TAFA4: variants seen among roughly 807,000 people sequenced by gnomAD.
TAFA4 encodes TAFA chemokine like family member 4.
A neutral mutation model predicts 21.1 loss-of-function variants in TAFA4; 20 were observed. That is an observed-to-expected ratio of 0.95 (90% CI 0.67 to 1.38). TAFA4 has a LOEUF of 1.38. TAFA4 is among the 40% of genes most tolerant of loss of function. TAFA4 has a pLI of 0.00. For synonymous variants in TAFA4, 71 were observed against 67.4 expected (o/e 1.05, Z -0.26); for missense variants, 211 against 180.9 (o/e 1.17, Z -0.95).
At chr3:68,747,744 C>T (rs373594150) in intron 4 of TAFA4, among the ~76,000 whole-genome samples, 7 of 152,158 alleles carry the variant, frequency 4.6e-5, no homozygotes, top group South Asian at 4.1e-4. Context: ...TCTCCTTCTC[C>T]GGAATCTTAC....
At chr3:68,764,757 A>T (rs1702817006) in intron 3 of TAFA4, among the ~76,000 whole-genome samples, 1 of 152,194 alleles carries the variant, frequency 6.6e-6, no homozygotes, top group Admixed American at 6.5e-5. Context: ...CAGGGCCACT[A>T]GTGGAGAGGA....
chr3:68,760,409 T>G (rs552372668), intron 3 of TAFA4, among the ~76,000 whole-genome samples: 9 of 152,346 alleles, frequency 5.9e-5, no homozygotes, highest in African/African-American at 2.2e-4. Context: ...TGAAACTACT[T>G]GAAAGCTAAT....
chr3:68,898,739 G>C, intron 1 of TAFA4, among the ~76,000 whole-genome samples: 1 of 152,224 alleles, frequency 6.6e-6, no homozygotes, highest in East Asian at 1.9e-4. Flanking sequence ...TGAATCCTTA[G>C]AATAACCCTG....
At chr3:68,868,689 G>A (rs567591874) in intron 3 of TAFA4, among the ~76,000 whole-genome samples, 14 of 152,002 alleles carry the variant, frequency 9.2e-5, no homozygotes, top group African/African-American at 3.4e-4. Context: ...AAAAATTCAT[G>A]AAAGGAATGA....
intron 4 of TAFA4, among the ~76,000 whole-genome samples, chr3:68,750,275 T>C (rs560157846): frequency 1.3e-5 from 2 of 152,146 alleles, no homozygotes; most frequent in African/African-American, 4.8e-5. Flanking sequence ...CCAACCTAGA[T>C]GACAGAGCAA....
chr3:68,763,039 TC>T, intron 3 of TAFA4, among the ~76,000 whole-genome samples: 1 of 152,300 alleles, frequency 6.6e-6, no homozygotes, highest in East Asian at 1.9e-4. Context: ...CTCCTTTTTT[TC>T]CTTTTTCTTT....
intron 3 of TAFA4, among the ~76,000 whole-genome samples, chr3:68,810,204 T>A (rs1703802919): frequency 6.6e-6 from 1 of 152,310 alleles, no homozygotes. Flanking sequence ...GAGCTGTTCC[T>A]ATTCGGCCAT....
chr3:68,776,513 A>G (rs1163304669), intron 3 of TAFA4, among the ~76,000 whole-genome samples: 1 of 152,220 alleles, frequency 6.6e-6, no homozygotes, highest in East Asian at 1.9e-4. Flanking sequence ...AATATGTGAA[A>G]CAAAAGTGTT....
At chr3:68,747,962 G>T (rs151251168) in intron 4 of TAFA4, among the ~76,000 whole-genome samples, 7 of 152,016 alleles carry the variant, frequency 4.6e-5, no homozygotes, top group Non-Finnish European at 8.8e-5. Flanking sequence ...CATATGCTTC[G>T]TGCTGCCTTG....
intron 1 of TAFA4, among the ~76,000 whole-genome samples, chr3:68,919,162 A>G (rs1285201037): frequency 6.6e-6 from 1 of 152,212 alleles, no homozygotes; most frequent in Non-Finnish European, 1.5e-5. Flanking sequence ...GGGCAAGAAA[A>G]CAGCAGCGCC....
chr3:68,895,709 TA>T (rs1194742727), intron 1 of TAFA4, among the ~76,000 whole-genome samples: 1 of 152,104 alleles, frequency 6.6e-6, no homozygotes, highest in East Asian at 1.9e-4. Flanking sequence ...ATTTTTTTTT[TA>T]ATCAACTCTC....
intron 1 of TAFA4, among the ~76,000 whole-genome samples, chr3:68,889,069 T>A (rs1431015393): frequency 6.6e-6 from 1 of 152,252 alleles, no homozygotes; most frequent in Non-Finnish European, 1.5e-5. Context: ...TCTATCAGTC[T>A]GCTTCAAAAG....
chr3:68,863,659 C>G (rs1037991346), intron 3 of TAFA4, among the ~76,000 whole-genome samples: 11 of 152,098 alleles, frequency 7.2e-5, no homozygotes, highest in Non-Finnish European at 1.3e-4. Flanking sequence ...AGTCTTCCAG[C>G]TTCTGGGTTG....
rs1553641278 is a variant in TAFA4, at chr3:68,783,713, A to AAAGAAAGAAAGAAAGAAAGAAAG, written c.131-30696_131-30695insCTTTCTTTCTTTCTTTCTTTCTT. On this transcript the variant is annotated intron_variant, in intron 3 of 5. Transcript: ENST00000295569. ...AGAGAGAGAGAGAGAGAGAGAAAGAAAAAGAAAGAAAGAAAGAAAGAAAGA... is the reference window on the plus strand; with the variant it reads ...AGAGAGAGAGAGAGAGAGAGAAAGAAAAGAAAGAAAGAAAGAAAGAAAGAAAGAAAGAAAGAAAGAAAGAAAGA... Among the ~76,000 whole-genome samples the AAAGAAAGAAAGAAAGAAAGAAAG allele has an allele frequency of 8.9e-3, 719 of 80,748 alleles. 16 individuals are homozygous for AAAGAAAGAAAGAAAGAAAGAAAG. Among genetic ancestry groups the AAAGAAAGAAAGAAAGAAAGAAAG allele is most frequent in the East Asian group, 0.033 (54 of 1,658 alleles). The allele number at this position is 80,748 out of a possible 152,430, so 53.0% of individuals were successfully genotyped here.
intron 3 of TAFA4, among the ~76,000 whole-genome samples, chr3:68,791,336 G>C (rs1703357421): frequency 6.6e-6 from 1 of 152,196 alleles, no homozygotes; most frequent in Non-Finnish European, 1.5e-5. Flanking sequence ...CAGAGGCAGA[G>C]AGAGTATGAC....
intron 3 of TAFA4, among the ~76,000 whole-genome samples, chr3:68,795,045 G>T (rs907516318): frequency 7.8e-6 from 1 of 128,230 alleles, no homozygotes; most frequent in African/African-American, 2.9e-5. Flanking sequence ...CAGACACACA[G>T]TCTTTTTGTC....
At chr3:68,736,863 G>A (rs541572394) in intron 5 of TAFA4, among the ~76,000 whole-genome samples, 247 of 152,226 alleles carry the variant, frequency 1.6e-3, no homozygotes, top group African/African-American at 5.6e-3. Context: ...TTATTCTCAA[G>A]TGACATATCA....
intron 3 of TAFA4, among the ~76,000 whole-genome samples, chr3:68,754,327 T>C (rs995290099): frequency 6.6e-6 from 1 of 152,222 alleles, no homozygotes; most frequent in Non-Finnish European, 1.5e-5. Flanking sequence ...TTGCATTCTG[T>C]TGTCACATTT....
chr3:68,864,745 C>T (rs1323630700), intron 3 of TAFA4, among the ~76,000 whole-genome samples: 5 of 152,024 alleles, frequency 3.3e-5, no homozygotes, highest in Non-Finnish European at 5.9e-5. Context: ...TGGAATACTA[C>T]TCAGCAATAA....
Sources: allele counts gnomAD v4.1 joint callset (sites outside exome capture counted in the v4.1 genomes callset), GRCh38; gene constraint gnomAD v4.1.1; transcripts MANE v1.5; gene names NCBI Gene and HGNC (gene_info 2026-07-23, HGNC 2026-07-21).